Variants in CMTM4 observed in about 807,000 individuals in gnomAD.
CMTM4 encodes the protein CKLF like MARVEL transmembrane domain containing 4, also known as CKLF-like MARVEL transmembrane domain-containing protein 4.
A neutral mutation model predicts 19.0 loss-of-function variants in CMTM4; 8 were observed. That is an observed-to-expected ratio of 0.42 (90% CI 0.25 to 0.76). The LOEUF is 0.76. CMTM4 is among the 30% of genes least tolerant of loss of function. The pLI is 0.27. For missense variants in CMTM4, 228 were observed against 290.2 expected, an observed-to-expected ratio of 0.79 and a Z score of 1.56; for synonymous variants, 106 against 121.1, an observed-to-expected ratio of 0.88 and a Z score of 0.82.
chr16:66,690,200 T>C (rs1024784218), intron 1 of CMTM4, among the ~76,000 whole-genome samples: 2 of 152,180 alleles, frequency 1.3e-5, no homozygotes, highest in African/African-American at 4.8e-5. Flanking sequence ...CATCTACCAT[T>C]ATGCGCTTGT....
chr16:66,678,617 T>C lies in CMTM4; in HGVS notation c.186+17723A>G, dbSNP rs1011123233. ...GATCCTCATCTATAAATAGGCAAATTAATTCTGTCTGGTGGAGAGACAATT... is the reference window on the plus strand; with the variant it reads ...GATCCTCATCTATAAATAGGCAAATCAATTCTGTCTGGTGGAGAGACAATT... On this transcript the variant is annotated intron_variant, in intron 1 of 3. Coordinates refer to ENST00000394106, the MANE Select transcript of CMTM4 (RefSeq NM_181521.3). 2.0e-5 allele frequency among the ~76,000 whole-genome samples: 3 copies of C among 152,210 alleles called. 1 individual carries two copies. Among genetic ancestry groups the C allele is most frequent in the Non-Finnish European group, 4.4e-5 (3 of 68,044 alleles).
At chr16:66,643,727 T>C (rs2016138247) in intron 1 of CMTM4, among the ~76,000 whole-genome samples, 2 of 152,152 alleles carry the variant, frequency 1.3e-5, no homozygotes, top group African/African-American at 4.8e-5. Context: ...GTGGCAGTAC[T>C]ATAAACAGCA....
chr16:66,632,683 A>T (rs772035674), intron 2 of CMTM4, among the ~76,000 whole-genome samples: 3 of 152,064 alleles, frequency 2.0e-5, no homozygotes, highest in Non-Finnish European at 4.4e-5. Context: ...CCTTTTAGAT[A>T]GCGCCACATC....
chr16:66,683,843 C>G (rs765297644), intron 1 of CMTM4, among the ~76,000 whole-genome samples: 1 of 151,868 alleles, frequency 6.6e-6, no homozygotes, highest in Non-Finnish European at 1.5e-5. Flanking sequence ...TGAGCGGGAA[C>G]CAGAAGAACA....
At chr16:66,598,262 G>C in the CMTM4 span, among the ~76,000 whole-genome samples, 1 of 152,234 alleles carries the variant, frequency 6.6e-6, no homozygotes, top group Admixed American at 6.5e-5. Context: ...ACAGGCTCTG[G>C]GCTGGGGCTG....
Position 66,617,560 on chromosome 16 carries a change from A to G in CMTM4, c.*4498T>C. 1.5e-6 allele frequency: 2 copies of G among 1,327,572 alleles called. No homozygotes were observed. The highest frequency in any genetic ancestry group is 1.9e-6 in the Non-Finnish European group (2 of 1,038,456). The allele number at this position is 1,327,572 out of a possible 1,614,324, so 82.2% of individuals were successfully genotyped here. A position where few individuals can be genotyped will look rare whatever the true frequency, so the allele number is the denominator to read the frequency against. ...GAAAATTTTTCTAGACCTAACAGAT[A>G]TTGACGGTATTTTCTCTCACAGTTT... On this transcript the variant is annotated 3_prime_UTR_variant, in exon 4 of 4. Transcript: ENST00000394106.
downstream of CMTM4, chr16:66,610,908 G>T: frequency 2.5e-6 from 1 of 398,630 alleles, no homozygotes; most frequent in South Asian, 1.3e-4. This position sits in a 1 kb window ranked among gnomAD's most constrained non-coding sequence, Gnocchi z 4.6. Context: ...TGCTGAAAAT[G>T]AATGCCACTC....
intron 1 of CMTM4, among the ~76,000 whole-genome samples, chr16:66,659,354 G>A (rs1356210284): frequency 3.3e-5 from 5 of 150,332 alleles, no homozygotes; most frequent in African/African-American, 7.4e-5. Flanking sequence ...CAGCCTGGGC[G>A]ACAGAGTGAG....
the CMTM4 span, chr16:66,604,668 GGGCGT>G: frequency 5.0e-6 from 3 of 602,024 alleles, no homozygotes; most frequent in Middle Eastern, 5.5e-4. Context: ...GGGCGGGGCG[GGGCGT>G]GGCGGCGGGG....
intron 1 of CMTM4, among the ~76,000 whole-genome samples, chr16:66,689,313 T>C (rs1325272319): frequency 6.6e-6 from 1 of 152,250 alleles, no homozygotes; most frequent in Non-Finnish European, 1.5e-5. Context: ...AGAAGTTCCT[T>C]TCTCTTCCAA....
chr16:66,634,491 G>A (rs1344666026), intron 2 of CMTM4, among the ~76,000 whole-genome samples: 1 of 151,854 alleles, frequency 6.6e-6, no homozygotes, highest in Non-Finnish European at 1.5e-5. Context: ...TATTTCTGGG[G>A]ATAAACGCTG....
At chr16:66,694,643 G>A (rs2017198089) in intron 1 of CMTM4, among the ~76,000 whole-genome samples, 1 of 149,612 alleles carries the variant, frequency 6.7e-6, no homozygotes, top group African/African-American at 2.5e-5. Context: ...AACCCGGGAG[G>A]CAGAGGTGGC....
the CMTM4 span, chr16:66,604,661 C>A: frequency 2.4e-6 from 1 of 412,116 alleles, no homozygotes; most frequent in Non-Finnish European, 3.1e-6. Context: ...CGGGTGGGGG[C>A]GGGGCGGGGC....
chr16:66,610,627 A>G, downstream of CMTM4, among the ~76,000 whole-genome samples: 1 of 152,178 alleles, frequency 6.6e-6, no homozygotes, highest in Non-Finnish European at 1.5e-5. The surrounding 1 kb of genome is among the most constrained non-coding windows in gnomAD (Gnocchi z 4.6). Flanking sequence ...AGAAGAGACC[A>G]GGCCGGTGTA....
At chr16:66,627,651 T>G (rs529792562) in intron 2 of CMTM4, among the ~76,000 whole-genome samples, 1 of 152,322 alleles carries the variant, frequency 6.6e-6, no homozygotes, top group African/African-American at 2.4e-5. Flanking sequence ...TTTTCCTGTG[T>G]GTGAAATCTG....
In CMTM4 at chr16:66,620,970, A is replaced by G. The variant is rs960311500; in HGVS notation, c.*1088T>C. 18 of 985,772 alleles carry G rather than the reference A, an allele frequency of 1.8e-5. No homozygotes were observed. The African/African-American group carries it at 2.6e-4, about 14-fold the overall frequency. The allele number at this position is 985,772 out of a possible 1,614,324, so 61.1% of individuals were successfully genotyped here. A position where few individuals can be genotyped will look rare whatever the true frequency, so the allele number is the denominator to read the frequency against. ...CCAACAACTCCCAAGAATGATGTCT[A>G]CAGTTATGACACTGAGGCGCCCAAA... On this transcript the variant is annotated 3_prime_UTR_variant, in exon 4 of 4. Coordinates refer to ENST00000394106, the MANE Select transcript of CMTM4 (RefSeq NM_181521.3).
chr16:66,601,970 C>T, the CMTM4 span, among the ~76,000 whole-genome samples: 1 of 152,154 alleles, frequency 6.6e-6, no homozygotes, highest in South Asian at 2.1e-4. Context: ...CTGCCTGCTC[C>T]ATGGAGTGTG....
chr16:66,620,080 T>G lies in CMTM4; in HGVS notation c.*1978A>C, dbSNP rs1049402813. On this transcript the variant is annotated 3_prime_UTR_variant, in exon 4 of 4. Transcript: ENST00000394106. ...GCCCACCTGAATGGTGTTCTTGTTT[T>G]CAATCTCACTTCAAAGATGGCCTTT... The G allele has an allele frequency of 1.0e-6, 1 of 985,344 alleles. No homozygotes were observed. Among genetic ancestry groups the G allele is most frequent in the African/African-American group, 1.7e-5 (1 of 57,254 alleles). The allele number at this position is 985,344 out of a possible 1,614,324, so 61.0% of individuals were successfully genotyped here.
chr16:66,671,102 A>T (rs2016696608), intron 1 of CMTM4, among the ~76,000 whole-genome samples: 1 of 152,236 alleles, frequency 6.6e-6, no homozygotes, highest in Non-Finnish European at 1.5e-5. Flanking sequence ...AAAAAAACTG[A>T]TATTTATATT....
Sources: gnomAD v4.1 joint callset for allele counts (sites outside exome capture counted in the v4.1 genomes callset) on GRCh38, gnomAD v4.1.1 for gene constraint, Gnocchi (gnomAD v3.1) non-coding constraint, MANE v1.5 for transcripts, NCBI Gene and HGNC (gene_info 2026-07-23, HGNC 2026-07-21) for gene names.